USP8: variants seen among roughly 807,000 people sequenced by gnomAD.
USP8 encodes the protein ubiquitin specific peptidase 8.
USP8 carries 27 observed loss-of-function variants against 130.0 expected under a neutral mutation model. The ratio of observed to expected loss-of-function variants is 0.21; its 90% CI spans 0.15 to 0.29. The LOEUF is 0.29. Ranked by LOEUF, USP8 falls within the 10% of genes least tolerant of loss-of-function variation. USP8 has a pLI of 1.00. For synonymous variants in USP8, 392 were observed against 444.1 expected, an observed-to-expected ratio of 0.88 and a Z score of 1.48; for missense variants, 1,029 against 1,312.2, an observed-to-expected ratio of 0.78 and a Z score of 3.33.
At chr15:50,440,748 A>G (rs1044353467) in intron 2 of USP8, among the ~76,000 whole-genome samples, 12 of 152,074 alleles carry the variant, frequency 7.9e-5, no homozygotes, top group African/African-American at 2.9e-4. Flanking sequence ...CATGCCTGTA[A>G]TCCGAGCACT....
chr15:50,476,699 A>T, intron 8 of USP8, 150 bp from the exon 9 acceptor site: 2 of 790,222 alleles, frequency 2.5e-6, no homozygotes, highest in Non-Finnish European at 3.7e-6. Context: ...CATTTCATTT[A>T]ATGTTGAATT....
At chr15:50,489,253 T>G (rs2141315594) in intron 12 of USP8, among the ~76,000 whole-genome samples, 1 of 152,274 alleles carries the variant, frequency 6.6e-6, no homozygotes, top group South Asian at 2.1e-4. Flanking sequence ...TTAGGTAGAT[T>G]TAGAATAAGC....
intron 18 of USP8, 71 bp from the exon 19 acceptor site, chr15:50,498,525 A>C: frequency 6.8e-7 from 1 of 1,474,094 alleles, no homozygotes; most frequent in Non-Finnish European, 9.0e-7. Context: ...CTAAAAATCT[A>C]GATGTTAATG....
At chr15:50,473,820 A>T (rs12443496) in intron 8 of USP8, among the ~76,000 whole-genome samples, 51,126 of 149,202 alleles carry the variant, frequency 0.34, 8,854 homozygotes, top group East Asian at 0.5. Context: ...ATATATATAT[A>T]TTTTTTTAAT....
intron 16 of USP8, 61 bp from the exon 17 acceptor site, chr15:50,495,784 ATTC>A (rs2052374670): frequency 7.6e-7 from 1 of 1,310,258 alleles, no homozygotes; most frequent in East Asian, 2.5e-5. Context: ...ATTCACTTTT[ATTC>A]TTTCAATTTA....
intron 18 of USP8, among the ~76,000 whole-genome samples, chr15:50,497,966 G>A (rs1273638299): frequency 1.3e-5 from 2 of 152,056 alleles, no homozygotes; most frequent in African/African-American, 4.8e-5. Flanking sequence ...TTTCTCTTGT[G>A]TAAATTTTTC....
intron 5 of USP8, among the ~76,000 whole-genome samples, chr15:50,461,684 C>T (rs560217896): frequency 8.7e-4 from 133 of 152,028 alleles, no homozygotes; most frequent in Non-Finnish European, 1.6e-3. Flanking sequence ...AAAACCCCAT[C>T]TCTACTAAAA....
At chr15:50,435,956 A>G (rs2050078930) in intron 1 of USP8, among the ~76,000 whole-genome samples, 1 of 151,994 alleles carries the variant, frequency 6.6e-6, no homozygotes, top group Non-Finnish European at 1.5e-5. Context: ...CTCTTATTAT[A>G]TCTGCTTCCT....
At position 50,455,156 on chromosome 15, in the gene USP8, A is replaced by T. The variant is rs566480477; in HGVS notation, c.336-3844A>T. On this transcript the variant is annotated intron_variant, in intron 4 of 19. Transcript: ENST00000307179. ...AGTGGCGTGATCACATCTCACTGCA[A>T]CCTCAGCCTCCTGGCCTCAAGTGAT... 2.6e-4 allele frequency among the ~76,000 whole-genome samples: 39 copies of T among 151,240 alleles called. 2 individuals are homozygous for T. The highest frequency in any genetic ancestry group is 9.0e-4 in the African/African-American group (37 of 41,314).
chr15:50,465,153 A>C lies in USP8; in HGVS notation c.648A>C (p.Leu216Phe). The change falls in exon 7 of 20, where the codon TTA (leucine) becomes TTC (phenylalanine). Residue 216 changes from leucine (L) to phenylalanine (F), a missense_variant. By Grantham distance (22) the Leu-to-Phe change is conservative. This residue lies in a region of USP8 where 281 missense variants were observed against 336.7 expected (regional missense o/e 0.83). Transcript: ENST00000307179. ...AGGATTATCAGGATTCCTGTATTTT[A>C]CATTCTCTCAGTGTTCCTGAAGAAG... ...RMQDYQDSCILHSLSVPEEAI... is the reference protein window; with the variant it reads ...RMQDYQDSCIFHSLSVPEEAI... 1 of 1,613,954 alleles carries C rather than the reference A, an allele frequency of 6.2e-7. No homozygotes were observed. The highest frequency in any genetic ancestry group is 1.1e-5 in the South Asian group (1 of 91,070).
chr15:50,477,786 A>C (rs750854417), intron 10 of USP8, among the ~76,000 whole-genome samples: 10 of 151,898 alleles, frequency 6.6e-5, no homozygotes, highest in Non-Finnish European at 1.5e-4. Context: ...GGTTGCAGTG[A>C]GTCGAGATTG....
intron 1 of USP8, among the ~76,000 whole-genome samples, chr15:50,434,290 A>G (rs2050029847): frequency 6.6e-6 from 1 of 151,632 alleles, no homozygotes; most frequent in South Asian, 2.1e-4. Context: ...TTTAGTAGAG[A>G]TGAGGTTTCA....
intron 3 of USP8, among the ~76,000 whole-genome samples, chr15:50,448,517 T>G (rs1483684321): frequency 6.6e-6 from 1 of 151,902 alleles, no homozygotes; most frequent in Non-Finnish European, 1.5e-5. Flanking sequence ...TTTTTAAAGG[T>G]GGAATTTTTT....
chr15:50,491,365 G>A (rs1320734949), intron 14 of USP8, among the ~76,000 whole-genome samples: 1 of 152,116 alleles, frequency 6.6e-6, no homozygotes, highest in Non-Finnish European at 1.5e-5. Context: ...ACCCTGCCAG[G>A]TGCAGACTTA....
At chr15:50,493,703 C>T (rs2052265464) in intron 15 of USP8, 1 of 373,032 alleles carries the variant, frequency 2.7e-6, no homozygotes, top group South Asian at 2.1e-5. Context: ...CGTGATTGTG[C>T]CGCTATACTC....
rs750059015 is a variant in USP8, at chr15:50,465,084, G to A, written c.579G>A (p.Thr193=). ...ITAKELYTMM[T]DKNISLIIMD... ...CAAAGGAACTATACACAATGATGAC[G>A]GATAAAAACATCAGCTTGATTATAA... The change falls in exon 7 of 20, where the codon ACG becomes ACA. Residue 193 remains threonine (T), a synonymous_variant. Transcript: ENST00000307179. 13 of 1,613,902 alleles carry A rather than the reference G, an allele frequency of 8.1e-6. No individual in the cohort carries two copies. The highest frequency in any genetic ancestry group is 6.7e-5 in the Admixed American group (4 of 59,970).
At chr15:50,444,181 G>A (rs576725547) in intron 3 of USP8, among the ~76,000 whole-genome samples, 1 of 144,704 alleles carries the variant, frequency 6.9e-6, no homozygotes, top group South Asian at 2.2e-4. Context: ...TTGGCTCACT[G>A]CAACCTCCAC....
intron 10 of USP8, among the ~76,000 whole-genome samples, chr15:50,480,041 G>A (rs1471211035): frequency 2.0e-5 from 3 of 152,106 alleles, no homozygotes; most frequent in East Asian, 1.9e-4. Context: ...TATTACAGGC[G>A]TGAGTCACTG....
chr15:50,467,677 T>A (rs1002059783), intron 7 of USP8, among the ~76,000 whole-genome samples: 10 of 151,874 alleles, frequency 6.6e-5, no homozygotes, highest in Non-Finnish European at 1.2e-4. Context: ...CACCTCAGCC[T>A]CCTGGGTAGC....
Sources: gnomAD v4.1 joint callset for allele counts (sites outside exome capture counted in the v4.1 genomes callset) on GRCh38, gnomAD v4.1.1 for gene constraint, gnomAD v4.1.1 regional missense constraint, MANE v1.5 for transcripts, NCBI Gene and HGNC (gene_info 2026-07-23, HGNC 2026-07-21) for gene names.